NKAIN2: variants seen among roughly 807,000 people sequenced by gnomAD.
NKAIN2 encodes the protein sodium/potassium-transporting ATPase subunit beta-1-interacting protein 2.
Under a neutral mutation model 32.6 loss-of-function variants are expected in NKAIN2, and 14 were observed. The ratio of observed to expected loss-of-function variants is 0.43; its 90% CI spans 0.28 to 0.67. The LOEUF is 0.67. Among genes scored for constraint, NKAIN2 ranks in the 30% least tolerant of loss-of-function variants. The pLI is 0.17. For synonymous variants in NKAIN2, 80 were observed against 87.2 expected, an observed-to-expected ratio of 0.92 and a Z score of 0.46; for missense variants, 198 against 258.3, an observed-to-expected ratio of 0.77 and a Z score of 1.60.
chr6:123,976,871 T>C (rs1778662656), intron 1 of NKAIN2, among the ~76,000 whole-genome samples: 1 of 152,200 alleles, frequency 6.6e-6, no homozygotes, highest in African/African-American at 2.4e-5. Context: ...ACCAGTATAT[T>C]TCCTTCTCTG....
At chr6:124,121,986 A>AAT in intron 1 of NKAIN2, 1 of 635,546 alleles carries the variant, frequency 1.6e-6, no homozygotes, top group Non-Finnish European at 2.4e-6. Flanking sequence ...TCTACAGGGT[A>AAT]ATATATATTT....
At position 124,675,554 on chromosome 6, in the gene NKAIN2, T is replaced by C. The variant is rs61231231; in HGVS notation, c.474+17168T>C. Among the ~76,000 whole-genome samples, 1,478 of 152,164 alleles carry C rather than the reference T, an allele frequency of 9.7e-3. 31 individuals carry two copies. The highest frequency in any genetic ancestry group is 0.033 in the African/African-American group (1,360 of 41,544). On this transcript the variant is annotated intron_variant, in intron 4 of 6. Transcript: ENST00000368417. ...ATGAGTTATTGCTCAGTTCAGATTT[T>C]CTATTTCTTGATAATTAAGTCTTGA...
intron 4 of NKAIN2, among the ~76,000 whole-genome samples, chr6:124,694,887 T>C (rs930470029): frequency 6.6e-6 from 1 of 152,174 alleles, no homozygotes; most frequent in Non-Finnish European, 1.5e-5. Flanking sequence ...ATAAAAATAT[T>C]TGGGTTTTGT....
intron 2 of NKAIN2, among the ~76,000 whole-genome samples, chr6:124,326,001 A>G (rs1797392954): frequency 6.6e-6 from 1 of 151,798 alleles, no homozygotes; most frequent in South Asian, 2.1e-4. Flanking sequence ...ACAGTCTTTG[A>G]TTTTATTCTT....
chr6:123,844,234 G>A (rs1019804463), intron 1 of NKAIN2, among the ~76,000 whole-genome samples: 1 of 152,232 alleles, frequency 6.6e-6, no homozygotes, highest in African/African-American at 2.4e-5. Flanking sequence ...AGTTAGATAA[G>A]TGTTGGGAGG....
intron 3 of NKAIN2, among the ~76,000 whole-genome samples, chr6:124,361,838 A>G (rs1348741377): frequency 6.6e-6 from 1 of 152,140 alleles, no homozygotes; most frequent in Non-Finnish European, 1.5e-5. Context: ...TGCAATGTGG[A>G]ATAATGTACT....
At chr6:124,753,113 T>A (rs1206693464) in intron 4 of NKAIN2, among the ~76,000 whole-genome samples, 1 of 152,126 alleles carries the variant, frequency 6.6e-6, no homozygotes, top group Non-Finnish European at 1.5e-5. Flanking sequence ...ATTTCTCAGT[T>A]AATTAAGCCA....
intron 4 of NKAIN2, among the ~76,000 whole-genome samples, chr6:124,704,643 CAG>C (rs10572050): frequency 7.3e-4 from 109 of 148,844 alleles, no homozygotes; most frequent in Non-Finnish European, 8.8e-4. Flanking sequence ...GAGAAAGAGA[CAG>C]AGAGAGAGAG....
At chr6:124,092,387 A>G (rs1364767169) in intron 1 of NKAIN2, among the ~76,000 whole-genome samples, 1 of 152,092 alleles carries the variant, frequency 6.6e-6, no homozygotes, top group Non-Finnish European at 1.5e-5. Context: ...GAAAATATAT[A>G]AGGAACAATT....
chr6:124,089,880 G>T (rs1264246970), intron 1 of NKAIN2, among the ~76,000 whole-genome samples: 1 of 151,818 alleles, frequency 6.6e-6, no homozygotes, highest in Non-Finnish European at 1.5e-5. Context: ...TATGTAAGTT[G>T]CCCAGTGTTA....
At chr6:124,060,411 G>A (rs1267441489) in intron 1 of NKAIN2, among the ~76,000 whole-genome samples, 1 of 152,078 alleles carries the variant, frequency 6.6e-6, no homozygotes, top group Non-Finnish European at 1.5e-5. Flanking sequence ...CCTCCACCCA[G>A]CTAGGATTGA....
At chr6:124,492,097 G>A (rs940865382) in intron 3 of NKAIN2, among the ~76,000 whole-genome samples, 1 of 151,876 alleles carries the variant, frequency 6.6e-6, no homozygotes, top group African/African-American at 2.4e-5. Context: ...GGCTATTATT[G>A]TAATAGCTAA....
intron 1 of NKAIN2, among the ~76,000 whole-genome samples, chr6:123,817,699 T>G (rs1205503262): frequency 6.6e-6 from 1 of 152,120 alleles, no homozygotes; most frequent in African/African-American, 2.4e-5. Context: ...TTTTGAAAAC[T>G]CCTTAGATTA....
At chr6:124,398,210 G>A (rs1359910598) in intron 3 of NKAIN2, among the ~76,000 whole-genome samples, 6 of 129,104 alleles carry the variant, frequency 4.6e-5, no homozygotes, top group African/African-American at 3.0e-5. Context: ...CCGAGATCGC[G>A]CCACTGCACT....
At chr6:124,734,976 C>T (rs1007916039) in intron 4 of NKAIN2, among the ~76,000 whole-genome samples, 13 of 151,870 alleles carry the variant, frequency 8.6e-5, no homozygotes, top group Non-Finnish European at 1.5e-5. Context: ...TTCTTGCCTT[C>T]TCTACTGCTC....
intron 3 of NKAIN2, among the ~76,000 whole-genome samples, chr6:124,362,774 GA>G (rs1175179329): frequency 5.3e-5 from 8 of 150,758 alleles, no homozygotes; most frequent in Non-Finnish European, 1.0e-4. Flanking sequence ...ACTAAGAGAA[GA>G]AAAAAGAGAT....
At chr6:124,184,146 A>G (rs752276650) in intron 1 of NKAIN2, among the ~76,000 whole-genome samples, 8 of 152,136 alleles carry the variant, frequency 5.3e-5, no homozygotes, top group Non-Finnish European at 1.2e-4. Context: ...AAGGAATCTA[A>G]CTTATCAAAC....
At chr6:123,822,431 G>T (rs1481265618) in intron 1 of NKAIN2, among the ~76,000 whole-genome samples, 5 of 152,162 alleles carry the variant, frequency 3.3e-5, no homozygotes, top group Non-Finnish European at 7.4e-5. Flanking sequence ...GCCTGGTATT[G>T]TGGAATACAA....
chr6:123,838,173 C>CT (rs35138037), intron 1 of NKAIN2, among the ~76,000 whole-genome samples: 2 of 152,194 alleles, frequency 1.3e-5, no homozygotes, highest in African/African-American at 2.4e-5. Flanking sequence ...TAAATTTTCT[C>CT]TTTTTTTCTG....
Sources: gnomAD v4.1 joint callset for allele counts (sites outside exome capture counted in the v4.1 genomes callset) on GRCh38, gnomAD v4.1.1 for gene constraint, MANE v1.5 for transcripts, NCBI Gene and HGNC (gene_info 2026-07-23, HGNC 2026-07-21) for gene names.